SCHIP1: variants seen among roughly 807,000 people sequenced by gnomAD.
The protein encoded by SCHIP1 is schwannomin-interacting protein 1.
Under a neutral mutation model 29.7 loss-of-function variants are expected in SCHIP1, and 8 were observed. That is an observed-to-expected ratio of 0.27 (90% CI 0.16 to 0.49). The LOEUF (loss-of-function observed/expected upper bound fraction) is 0.49. SCHIP1 is among the 20% of genes least tolerant of loss of function. The pLI is 0.99. For missense variants in SCHIP1, 193 were observed against 294.6 expected (o/e 0.66, Z 2.52); for synonymous variants, 76 against 94.9 (o/e 0.80, Z 1.16).
At chr3:159,594,891 T>C in the SCHIP1 span, among the ~76,000 whole-genome samples, 2 of 152,170 alleles carry the variant, frequency 1.3e-5, no homozygotes, top group Admixed American at 1.3e-4. Flanking sequence ...TCTGTAGAGA[T>C]GAAAACTGGG....
chr3:159,365,249 A>AGAT, the SCHIP1 span, among the ~76,000 whole-genome samples: 4 of 152,322 alleles, frequency 2.6e-5, no homozygotes, highest in Admixed American at 1.3e-4. Flanking sequence ...CTCCAGAGAC[A>AGAT]GATATTCCAC....
chr3:159,597,939 T>G, the SCHIP1 span, among the ~76,000 whole-genome samples: 2 of 152,136 alleles, frequency 1.3e-5, no homozygotes, highest in Non-Finnish European at 2.9e-5. Flanking sequence ...ACAATCATGG[T>G]GGAAGGGAAA....
chr3:159,297,126 TTGTGTGTGTG>T, the SCHIP1 span, among the ~76,000 whole-genome samples: 226 of 143,356 alleles, frequency 1.6e-3, 1 homozygote, highest in South Asian at 8.9e-3. Context: ...TAATATTCCA[TTGTGTGTGTG>T]TGTGTGTGTG....
At chr3:159,293,043 A>C in the SCHIP1 span, among the ~76,000 whole-genome samples, 1 of 152,210 alleles carries the variant, frequency 6.6e-6, no homozygotes, top group East Asian at 1.9e-4. Context: ...TGATGTCCAT[A>C]ATCAACATCA....
the SCHIP1 span, among the ~76,000 whole-genome samples, chr3:159,818,570 G>A: frequency 1.3e-5 from 2 of 152,238 alleles, no homozygotes; most frequent in South Asian, 2.1e-4. Flanking sequence ...TTGTGTGACC[G>A]TAGGGAAGCC....
chr3:159,871,286 A>G (rs1398183546), intron 2 of SCHIP1, among the ~76,000 whole-genome samples: 5 of 139,144 alleles, frequency 3.6e-5, no homozygotes. Flanking sequence ...CCACCCTATT[A>G]AAAGTAAACG....
At chr3:159,768,824 G>C in the SCHIP1 span, among the ~76,000 whole-genome samples, 1 of 152,148 alleles carries the variant, frequency 6.6e-6, no homozygotes, top group Admixed American at 6.5e-5. Flanking sequence ...CCAGTAGTTC[G>C]CATTGTGCCT....
chr3:159,339,791 G>T, the SCHIP1 span, among the ~76,000 whole-genome samples: 1 of 152,098 alleles, frequency 6.6e-6, no homozygotes, highest in African/African-American at 2.4e-5. Context: ...GCCTGAGAGT[G>T]TATTTCAGAT....
chr3:159,440,411 G>A, the SCHIP1 span, among the ~76,000 whole-genome samples: 1 of 152,044 alleles, frequency 6.6e-6, no homozygotes, highest in Admixed American at 6.6e-5. Flanking sequence ...CTTGCTTAAT[G>A]ATATGGCTGC....
At chr3:159,324,322 T>C in the SCHIP1 span, among the ~76,000 whole-genome samples, 1 of 152,180 alleles carries the variant, frequency 6.6e-6, no homozygotes, top group Non-Finnish European at 1.5e-5. Context: ...TTTATGTATG[T>C]TTTGACCAAT....
At chr3:159,643,478 A>G in the SCHIP1 span, among the ~76,000 whole-genome samples, 1 of 152,068 alleles carries the variant, frequency 6.6e-6, no homozygotes, top group Non-Finnish European at 1.5e-5. Context: ...GAATACTCAC[A>G]TGGCACAATC....
At chr3:159,740,541 T>C in the SCHIP1 span, among the ~76,000 whole-genome samples, 1 of 151,732 alleles carries the variant, frequency 6.6e-6, no homozygotes, top group Non-Finnish European at 1.5e-5. Context: ...GGAGATAGAG[T>C]CAGCCCCCTG....
the SCHIP1 span, chr3:159,273,615 T>C: frequency 2.3e-6 from 3 of 1,303,152 alleles, no homozygotes. Context: ...TACTTGAAGA[T>C]TTCTGCTCCA....
At chr3:159,672,504 A>G in the SCHIP1 span, among the ~76,000 whole-genome samples, 1 of 152,320 alleles carries the variant, frequency 6.6e-6, no homozygotes. Flanking sequence ...TTACTCTACA[A>G]TGAGTAATGA....
the SCHIP1 span, among the ~76,000 whole-genome samples, chr3:159,362,559 C>A: frequency 6.6e-6 from 1 of 152,138 alleles, no homozygotes; most frequent in African/African-American, 2.4e-5. Context: ...ACCAAACCAA[C>A]CTCATTGTTC....
the SCHIP1 span, among the ~76,000 whole-genome samples, chr3:159,679,234 T>C: frequency 6.6e-6 from 1 of 150,788 alleles, no homozygotes; most frequent in Non-Finnish European, 1.5e-5. Context: ...AAACGTGTTA[T>C]GAAGAAAAAA....
At chr3:159,836,746 TA>T (rs1190251611), upstream of SCHIP1, among the ~76,000 whole-genome samples, 1 of 152,194 alleles carries the variant, frequency 6.6e-6, no homozygotes, top group Non-Finnish European at 1.5e-5. Flanking sequence ...ATCCCTATGC[TA>T]CAAAGACTAT....
At chr3:159,318,516 G>A in the SCHIP1 span, among the ~76,000 whole-genome samples, 27 of 152,340 alleles carry the variant, frequency 1.8e-4, no homozygotes, top group South Asian at 4.8e-3. Context: ...TCCTGGAAAG[G>A]GGCTGTAGTG....
chr3:159,831,713 A>T, the SCHIP1 span, among the ~76,000 whole-genome samples: 2 of 152,148 alleles, frequency 1.3e-5, no homozygotes, highest in African/African-American at 4.8e-5. Context: ...CACAGTGTGG[A>T]TATGCTGGAC....
Sources: gnomAD v4.1 joint callset for allele counts (sites outside exome capture counted in the v4.1 genomes callset) on GRCh38, gnomAD v4.1.1 for gene constraint, MANE v1.5 for transcripts, NCBI Gene and HGNC (gene_info 2026-07-23, HGNC 2026-07-21) for gene names.